DOCK8: variants seen among roughly 807,000 people sequenced by gnomAD.
DOCK8 encodes dedicator of cytokinesis 8, also known as dedicator of cytokinesis protein 8.
Under a neutral mutation model 245.6 loss-of-function variants are expected in DOCK8, and 141 were observed. That is an observed-to-expected ratio of 0.57 (90% CI 0.50 to 0.66). The LOEUF is 0.66. DOCK8 is among the 30% of genes least tolerant of loss of function. The probability of loss-of-function intolerance (pLI) is 0.00; values close to 1 mark genes in which losing one functional copy is unlikely to be tolerated. For missense variants in DOCK8, 2,965 were observed against 2,603.4 expected (o/e 1.14, Z -3.02); for synonymous variants, 1,168 against 970.2 (o/e 1.20, Z -3.79).
At chr9:234,440 G>A (rs1334722489) in intron 1 of DOCK8, among the ~76,000 whole-genome samples, 2 of 152,050 alleles carry the variant, frequency 1.3e-5, no homozygotes, top group Non-Finnish European at 2.9e-5. Context: ...TTCAGTGTTG[G>A]CCTGCCTTGC....
intron 15 of DOCK8, chr9:369,275 C>T (rs541161472): frequency 6.6e-5 from 10 of 152,250 alleles, no homozygotes; most frequent in African/African-American, 2.4e-4. Flanking sequence ...AGGCCCCTGG[C>T]ATGCCACTGC....
chr9:429,207 T>C (rs2056616391), intron 35 of DOCK8, among the ~76,000 whole-genome samples: 1 of 152,214 alleles, frequency 6.6e-6, no homozygotes, highest in African/African-American at 2.4e-5. Flanking sequence ...CCTCAAGTGA[T>C]CCACCTGCCT....
At chr9:288,826 C>G (rs1241759620) in intron 3 of DOCK8, among the ~76,000 whole-genome samples, 1 of 152,242 alleles carries the variant, frequency 6.6e-6, no homozygotes, top group Non-Finnish European at 1.5e-5. Context: ...CAGCATGTCT[C>G]TGTTCTTACC....
chr9:248,284 A>T (rs2047555815), intron 1 of DOCK8, among the ~76,000 whole-genome samples: 1 of 152,200 alleles, frequency 6.6e-6, no homozygotes, highest in Admixed American at 6.5e-5. Flanking sequence ...AAACAGATTA[A>T]CATCACCTTT....
intron 26 of DOCK8, among the ~76,000 whole-genome samples, chr9:401,571 G>A (rs1440623448): frequency 1.3e-5 from 2 of 152,116 alleles, no homozygotes; most frequent in Admixed American, 6.5e-5. Context: ...GTCTGCAAAG[G>A]AGGCAGGCAC....
At chr9:401,558 G>T (rs1406774515) in intron 26 of DOCK8, among the ~76,000 whole-genome samples, 1 of 152,120 alleles carries the variant, frequency 6.6e-6, no homozygotes. Flanking sequence ...GAGATTTTAT[G>T]GGGTCTGCAA....
rs375018407 is a variant in DOCK8 at position 333,323 on chromosome 9, C to T, written c.1125+845C>T. 1.8e-4 allele frequency among the ~76,000 whole-genome samples: 28 copies of T among 152,310 alleles called. 1 individual carries two copies. Among genetic ancestry groups the T allele is most frequent in the Admixed American group, 8.5e-4 (13 of 15,294 alleles). On this transcript the variant is annotated intron_variant, in intron 10 of 47. Coordinates refer to ENST00000432829, the MANE Select transcript of DOCK8 (RefSeq NM_203447.4). ...GTGATTTTTAAAACATGGCCTTGGC[C>T]GGGCGTGGTGGCTCACACCTGTAAT...
intron 8 of DOCK8, among the ~76,000 whole-genome samples, chr9:326,012 A>G (rs1214223915): frequency 6.6e-6 from 1 of 152,222 alleles, no homozygotes; most frequent in Non-Finnish European, 1.5e-5. Context: ...TATGTATAAA[A>G]CAAACCCATT....
chr9:326,202 T>C (rs962647230), intron 8 of DOCK8, among the ~76,000 whole-genome samples: 2 of 152,186 alleles, frequency 1.3e-5, no homozygotes, highest in Non-Finnish European at 2.9e-5. Context: ...GACCAAGACC[T>C]CTCGTGTGTT....
rs72701233 is a variant in DOCK8 at position 264,540 on chromosome 9, T to C, written c.54-7087T>C. Among the ~76,000 whole-genome samples the C allele has an allele frequency of 2.1e-3, 315 of 152,334 alleles. 1 individual carries two copies. Among genetic ancestry groups the C allele is most frequent in the African/African-American group, 7.0e-3 (291 of 41,570 alleles). ...AAACGATAAAACCTGAAATAATCCA[T>C]TGTGAGGCCACAGGCTGAAGAACTT... On this transcript the variant is annotated intron_variant, in intron 1 of 47. Transcript: ENST00000432829.
chr9:345,338 G>A (rs1006813420), intron 14 of DOCK8, among the ~76,000 whole-genome samples: 1 of 152,174 alleles, frequency 6.6e-6, no homozygotes, highest in African/African-American at 2.4e-5. Flanking sequence ...GATCTGCCTG[G>A]AGCTTGTAGC....
At chr9:362,093 G>C (rs2052757854) in intron 14 of DOCK8, among the ~76,000 whole-genome samples, 1 of 152,140 alleles carries the variant, frequency 6.6e-6, no homozygotes, top group Admixed American at 6.5e-5. Flanking sequence ...AATATTTTCA[G>C]ATTACAGAAG....
chr9:261,507 T>G (rs2047917376), intron 1 of DOCK8, among the ~76,000 whole-genome samples: 1 of 152,214 alleles, frequency 6.6e-6, no homozygotes, highest in East Asian at 1.9e-4. Context: ...TGCAATTTGT[T>G]AAGATTTGTT....
intron 14 of DOCK8, among the ~76,000 whole-genome samples, chr9:350,889 G>C (rs1243778456): frequency 6.6e-6 from 1 of 152,104 alleles, no homozygotes; most frequent in African/African-American, 2.4e-5. Flanking sequence ...GTGGACCCCC[G>C]TCCTGTTTGT....
chr9:325,881 G>A (rs1179152511), intron 8 of DOCK8, 144 bp downstream of exon 8: 3 of 789,556 alleles, frequency 3.8e-6, no homozygotes, highest in East Asian at 2.6e-5. Flanking sequence ...TGTTGCCTTT[G>A]CAATTTTTCA....
intron 1 of DOCK8, among the ~76,000 whole-genome samples, chr9:249,010 G>A (rs1357657044): frequency 6.6e-6 from 1 of 152,172 alleles, no homozygotes; most frequent in African/African-American, 2.4e-5. Flanking sequence ...GACAGGTAGT[G>A]GGAGGTCCCA....
At chr9:324,690 A>G (rs1285991890) in intron 7 of DOCK8, among the ~76,000 whole-genome samples, 2 of 152,162 alleles carry the variant, frequency 1.3e-5, no homozygotes, top group Non-Finnish European at 2.9e-5. Flanking sequence ...GAAGGGCCAG[A>G]CATTCATCCC....
In DOCK8 at chr9:443,517, G is replaced by A. The variant is rs1018269232; in HGVS notation, c.5580+1G>A. On this transcript the variant is annotated splice_donor_variant, in intron 43 of 47. Coordinates refer to ENST00000432829, the MANE Select transcript of DOCK8 (RefSeq NM_203447.4). LOFTEE classifies it high-confidence loss of function. Reference sequence around the variant, plus strand: ...CAAAACCAAGTTGGATCCTAACAAGGTATACAAAAATTTACAAAAACTAAC... The same window carrying A: ...CAAAACCAAGTTGGATCCTAACAAGATATACAAAAATTTACAAAAACTAAC... 2 of 1,613,436 alleles carry A rather than the reference G, an allele frequency of 1.2e-6. No homozygotes were observed. The highest frequency in any genetic ancestry group is 1.7e-6 in the Non-Finnish European group (2 of 1,179,532).
rs267602235 is a variant in DOCK8 at position 377,067 on chromosome 9, G to A, written c.2296G>A (p.Glu766Lys). Residue 766 changes from glutamate (E) to lysine (K), a missense_variant, in exon 20 of 48, where the codon GAG (glutamate) becomes AAG (lysine). Transcript: ENST00000432829. ...CCGCGTGCTGGATCAGAAAATCAGC[G>A]AGATGGCGCTGGAGCATGAGCTGAA... ...PIRVLDQKIS[E>K]MALEHELKLS... The A allele has an allele frequency of 1.1e-4, 180 of 1,613,316 alleles. No individual in the cohort carries two copies. Among genetic ancestry groups the A allele is most frequent in the Non-Finnish European group, 1.4e-4 (165 of 1,180,008 alleles).
Sources: gnomAD v4.1 joint callset for allele counts (sites outside exome capture counted in the v4.1 genomes callset) on GRCh38, gnomAD v4.1.1 for gene constraint, MANE v1.5 for transcripts, NCBI Gene and HGNC (gene_info 2026-07-23, HGNC 2026-07-21) for gene names.